EPHB2: variants seen among roughly 807,000 people sequenced by gnomAD.
The protein encoded by EPHB2 is EPH receptor B2.
A neutral mutation model predicts 96.4 loss-of-function variants in EPHB2; 18 were observed. The observed-to-expected ratio is 0.19, with a 90% CI of 0.13 to 0.28. EPHB2 has a LOEUF of 0.28. EPHB2 is among the 10% of genes least tolerant of loss of function. The pLI is 1.00. For synonymous variants in EPHB2, 506 were observed against 534.1 expected, an observed-to-expected ratio of 0.95 and a Z score of 0.72; for missense variants, 989 against 1,355.4, an observed-to-expected ratio of 0.73 and a Z score of 4.25.
At chr1:22,787,051 T>C (rs913622280) in intron 3 of EPHB2, among the ~76,000 whole-genome samples, 1 of 152,244 alleles carries the variant, frequency 6.6e-6, no homozygotes, top group Non-Finnish European at 1.5e-5. Flanking sequence ...GCCTGCTCTG[T>C]GTTAGACCTT....
At position 22,784,042 on chromosome 1, in the gene EPHB2, A is replaced by G. The variant is rs948445789; in HGVS notation, c.127-350A>G. 6.6e-6 allele frequency among the ~76,000 whole-genome samples: 1 copy of G among 151,982 alleles called. No individual in the cohort carries two copies. Among genetic ancestry groups the G allele is most frequent in the Non-Finnish European group, 1.5e-5 (1 of 67,972 alleles). On this transcript the variant is annotated intron_variant, in intron 2 of 15. Transcript: ENST00000374630. The surrounding 1 kb of genome is among the most constrained non-coding windows in gnomAD (Gnocchi z 5.1). ...AGACTGGTAGCCCCCACAACCACAA[A>G]GCTATGTCTACTTTCATCAGAAGGA...
chr1:22,777,325 C>T (rs1416134611), intron 1 of EPHB2, among the ~76,000 whole-genome samples: 12 of 152,186 alleles, frequency 7.9e-5, no homozygotes. Flanking sequence ...TCAACTTTCT[C>T]ATCTATGAAA....
At chr1:22,802,447 T>A (rs2582036) in intron 3 of EPHB2, among the ~76,000 whole-genome samples, 12,308 of 152,048 alleles carry the variant, frequency 0.081, 1,044 homozygotes, top group African/African-American at 0.2. Flanking sequence ...TTGAGAGATG[T>A]GTCTAGAGAA....
At chr1:22,716,029 T>TGG (rs1352435792) in intron 1 of EPHB2, among the ~76,000 whole-genome samples, 1 of 152,138 alleles carries the variant, frequency 6.6e-6, no homozygotes, top group Non-Finnish European at 1.5e-5. Flanking sequence ...CAGATCAGCC[T>TGG]TCAGTGTCTC....
intron 1 of EPHB2, among the ~76,000 whole-genome samples, chr1:22,725,607 C>T (rs986431312): frequency 5.9e-5 from 9 of 152,004 alleles, no homozygotes; most frequent in African/African-American, 2.2e-4. Context: ...TTGGAGAAAC[C>T]TTCTGAGCCA....
At chr1:22,845,488 G>T (rs56341859) in intron 3 of EPHB2, among the ~76,000 whole-genome samples, 8,102 of 152,190 alleles carry the variant, frequency 0.053, 323 homozygotes, top group Middle Eastern at 0.14. Context: ...TTTGCAGGCT[G>T]CCCTTCACCA....
chr1:22,751,399 G>A (rs1163575199), intron 1 of EPHB2, among the ~76,000 whole-genome samples: 1 of 152,208 alleles, frequency 6.6e-6, no homozygotes, highest in Non-Finnish European at 1.5e-5. Flanking sequence ...TATCTCTGCT[G>A]TTCTGGGAAC....
chr1:22,875,360 G>A lies in EPHB2; in HGVS notation c.1304-6999G>A, dbSNP rs1026729329. 1.6e-4 allele frequency among the ~76,000 whole-genome samples: 24 copies of A among 152,196 alleles called. No homozygotes were observed. Among genetic ancestry groups the A allele is most frequent in the Admixed American group, 1.2e-3 (18 of 15,274 alleles). On this transcript the variant is annotated intron_variant, in intron 5 of 15. Transcript: ENST00000374630. The surrounding 1 kb of genome is among the most constrained non-coding windows in gnomAD (Gnocchi z 4.2). The stretch of plus-strand genomic sequence containing the variant: ...GCTACAGACCCTGGAGAGGACTAGC[G>A]CAGTGACAAGCAATTGTCATGGAAC...
intron 1 of EPHB2, among the ~76,000 whole-genome samples, chr1:22,745,541 C>T (rs1057384640): frequency 6.6e-6 from 1 of 152,186 alleles, no homozygotes; most frequent in African/African-American, 2.4e-5. Flanking sequence ...CACTTAAGAT[C>T]TGCATGCTTT....
chr1:22,786,293 A>T (rs1255645623), intron 3 of EPHB2, among the ~76,000 whole-genome samples: 1 of 152,296 alleles, frequency 6.6e-6, no homozygotes, highest in East Asian at 1.9e-4. Context: ...ACTAAATGAG[A>T]TGATGTGTAC....
intron 9 of EPHB2, among the ~76,000 whole-genome samples, chr1:22,896,775 G>A (rs181773108): frequency 6.6e-6 from 1 of 152,258 alleles, no homozygotes; most frequent in African/African-American, 2.4e-5. Flanking sequence ...TGGGTTTAGG[G>A]GCTGCATCTG....
At chr1:22,792,316 A>G (rs909206729) in intron 3 of EPHB2, among the ~76,000 whole-genome samples, 1 of 151,422 alleles carries the variant, frequency 6.6e-6, no homozygotes, top group African/African-American at 2.4e-5. Context: ...GGAGGCCCAG[A>G]CCCCCACATA....
At chr1:22,716,706 G>T (rs185756459) in intron 1 of EPHB2, among the ~76,000 whole-genome samples, 2 of 152,214 alleles carry the variant, frequency 1.3e-5, no homozygotes, top group Non-Finnish European at 2.9e-5. Flanking sequence ...AACTCTGCCT[G>T]CCCAGAGCTC....
At chr1:22,883,414 C>A (rs1639114734) in intron 6 of EPHB2, among the ~76,000 whole-genome samples, 1 of 152,218 alleles carries the variant, frequency 6.6e-6, no homozygotes, top group African/African-American at 2.4e-5. Context: ...CCCCAGGAAG[C>A]CTCTCCTTTG....
At chr1:22,912,702 A>C in intron 15 of EPHB2, 103 bp downstream of exon 15, 2 of 1,563,162 alleles carry the variant, frequency 1.3e-6, no homozygotes, top group African/African-American at 1.3e-5. Flanking sequence ...ATCATGTCCC[A>C]ATAGGGAAGC....
intron 1 of EPHB2, among the ~76,000 whole-genome samples, chr1:22,766,564 T>C (rs2148401445): frequency 1.3e-5 from 2 of 152,246 alleles, no homozygotes; most frequent in Middle Eastern, 6.8e-3. Flanking sequence ...GTAGGTGTTA[T>C]TTACTATTCC....
intron 3 of EPHB2, among the ~76,000 whole-genome samples, chr1:22,857,861 G>A (rs1420003660): frequency 6.6e-6 from 1 of 152,192 alleles, no homozygotes; most frequent in Non-Finnish European, 1.5e-5. Flanking sequence ...GGCTCTGCTA[G>A]GGGCTGGAGA....
chr1:22,906,582 C>A lies in EPHB2; in HGVS notation c.1889-128C>A. On this transcript the variant is annotated intron_variant, in intron 10 of 15. Transcript: ENST00000374630. The surrounding 1 kb of genome is among the most constrained non-coding windows in gnomAD (Gnocchi z 4.8). The stretch of plus-strand genomic sequence containing the variant: ...CATTCTTGAAGGGGTTCTGTGTCTG[C>A]AAGGATGAGTGGGCCATTGAGAAGA... 7.0e-7 allele frequency: 1 copy of A among 1,436,298 alleles called. No individual in the cohort carries two copies. 89.0% of individuals were successfully genotyped at this position (1,436,298 alleles called of 1,614,324 possible).
At chr1:22,911,647 C>G (rs548423176) in intron 14 of EPHB2, among the ~76,000 whole-genome samples, 30 of 152,268 alleles carry the variant, frequency 2.0e-4, no homozygotes, top group African/African-American at 7.0e-4. Flanking sequence ...CACTGCTGCC[C>G]CTGCACACAC....
Sources: allele counts gnomAD v4.1 joint callset (sites outside exome capture counted in the v4.1 genomes callset), GRCh38; gene constraint gnomAD v4.1.1; non-coding constraint Gnocchi (gnomAD v3.1); transcripts MANE v1.5; gene names NCBI Gene and HGNC (gene_info 2026-07-23, HGNC 2026-07-21).